ANGPT1: variants seen among roughly 807,000 people sequenced by gnomAD.
The protein encoded by ANGPT1 is angiopoietin-1.
Under a neutral mutation model 62.2 loss-of-function variants are expected in ANGPT1, and 17 were observed. The observed-to-expected ratio is 0.27, with a 90% confidence interval of 0.19 to 0.41. ANGPT1 has a LOEUF of 0.41. Among genes scored for constraint, ANGPT1 ranks in the 10% least tolerant of loss-of-function variants. The pLI, the probability that ANGPT1 is intolerant of heterozygous loss-of-function variation, is 1.00. For missense variants in ANGPT1, 478 were observed against 594.9 expected, an observed-to-expected ratio of 0.80 and a Z score of 2.04; for synonymous variants, 199 against 198.9, an observed-to-expected ratio of 1.00 and a Z score of 0.00.
intron 1 of ANGPT1, among the ~76,000 whole-genome samples, chr8:107,464,654 C>T (rs1812156008): frequency 6.6e-6 from 1 of 152,078 alleles, no homozygotes; most frequent in South Asian, 2.1e-4. Flanking sequence ...GGACAATTTC[C>T]TTAATTCTCA....
At chr8:107,354,411 T>TA (rs1443285639) in intron 1 of ANGPT1, among the ~76,000 whole-genome samples, 1 of 152,162 alleles carries the variant, frequency 6.6e-6, no homozygotes, top group East Asian at 1.9e-4. Context: ...AGAAATCACT[T>TA]AAACACTTTG....
intron 8 of ANGPT1, among the ~76,000 whole-genome samples, chr8:107,260,567 A>G (rs2514877): frequency 0.85 from 129,836 of 152,094 alleles, 55,435 homozygotes; most frequent in Middle Eastern, 0.89. Flanking sequence ...GTGGGGAGTA[A>G]CTAAGTAGGA....
intron 1 of ANGPT1, among the ~76,000 whole-genome samples, chr8:107,387,090 T>C (rs1309541736): frequency 6.6e-6 from 1 of 152,120 alleles, no homozygotes; most frequent in Non-Finnish European, 1.5e-5. Flanking sequence ...AACTGAAATG[T>C]GTGCACAGCA....
At chr8:107,345,418 A>AT (rs891867245) in intron 2 of ANGPT1, among the ~76,000 whole-genome samples, 8 of 151,480 alleles carry the variant, frequency 5.3e-5, no homozygotes, top group South Asian at 2.1e-4. Flanking sequence ...ACAATGGGAC[A>AT]TTTTTTTTTC....
intron 5 of ANGPT1, among the ~76,000 whole-genome samples, chr8:107,298,081 T>A (rs1180217851): frequency 2.0e-5 from 3 of 151,882 alleles, no homozygotes; most frequent in Non-Finnish European, 4.4e-5. Context: ...ATCCAAGAAA[T>A]GACTGAACTG....
Position 107,493,670 on chromosome 8 carries a change from T to G in ANGPT1, c.297+3592A>C, listed in dbSNP as rs184591193. On this transcript the variant is annotated intron_variant, in intron 1 of 8. Transcript: ENST00000517746. The stretch of plus-strand genomic sequence containing the variant: ...TGCAATAGATAATGCATTCATTTTT[T>G]CATTTAACACATATTTATTGCATAT... Among the ~76,000 whole-genome samples, 5 of 150,584 alleles carry G rather than the reference T, an allele frequency of 3.3e-5. No homozygotes were observed. In the East Asian group the frequency reaches 9.9e-4, roughly 30 times the overall value.
At chr8:107,254,655 C>T (rs1813317611) in intron 8 of ANGPT1, among the ~76,000 whole-genome samples, 2 of 152,010 alleles carry the variant, frequency 1.3e-5, no homozygotes, top group African/African-American at 4.8e-5. Flanking sequence ...GAATACAGCA[C>T]CTGCAAAGGC....
chr8:107,257,375 C>T (rs2514869), intron 8 of ANGPT1, among the ~76,000 whole-genome samples: 129,544 of 152,190 alleles, frequency 0.85, 55,141 homozygotes, highest in Middle Eastern at 0.88. Flanking sequence ...CACATTTTAT[C>T]GCTAATAGAT....
chr8:107,256,840 TTC>T (rs1813367891), intron 8 of ANGPT1, among the ~76,000 whole-genome samples: 1 of 151,820 alleles, frequency 6.6e-6, no homozygotes, highest in African/African-American at 2.4e-5. Context: ...TTTTGTTTTG[TTC>T]TGTTTTTTTT....
chr8:107,321,860 A>T, intron 4 of ANGPT1, 36 bp downstream of exon 4: 8 of 1,575,508 alleles, frequency 5.1e-6, no homozygotes, highest in Non-Finnish European at 7.0e-6. Flanking sequence ...AGGAAATAAA[A>T]TATTAACAAT....
chr8:107,318,360 G>A (rs1563566477), intron 4 of ANGPT1, among the ~76,000 whole-genome samples: 1 of 152,180 alleles, frequency 6.6e-6, no homozygotes, highest in Non-Finnish European at 1.5e-5. Context: ...CATCAGATGT[G>A]TTAGTAGAAA....
rs1301241311 is a variant in ANGPT1 at position 107,251,568 on chromosome 8, A to C, written c.*287T>G. On this transcript the variant is annotated 3_prime_UTR_variant, in exon 9 of 9. Coordinates refer to ENST00000517746, the MANE Select transcript of ANGPT1 (RefSeq NM_001146.5). ...TAGTTCCAAAATAAGGTCCAGTAGTAGTTTGAAGCACAGCAAGCTCAGCAG... is the reference window on the plus strand; with the variant it reads ...TAGTTCCAAAATAAGGTCCAGTAGTCGTTTGAAGCACAGCAAGCTCAGCAG... 2 of 316,972 alleles carry C rather than the reference A, an allele frequency of 6.3e-6. No homozygotes were observed. Among genetic ancestry groups the C allele is most frequent in the Non-Finnish European group, 1.2e-5 (2 of 170,616 alleles). The allele number at this position is 316,972 out of a possible 1,614,324, so 19.6% of individuals were successfully genotyped here.
In ANGPT1 at chr8:107,497,445, A is replaced by C; in HGVS notation, c.114T>G (p.His38Gln). The change falls in exon 1 of 9, where the codon CAT becomes CAG. Residue 38 changes from histidine to glutamine, a missense_variant. Around this residue, in one of 4 missense-constraint regions of ANGPT1, gnomAD observed 343 missense variants for 355.4 expected, o/e 0.97. Transcript: ENST00000517746. ...GAATGAAAGTGTAGGCACATTGCCC[A>C]TGTTGAATCCGGTTATATCTTCTCC... ...NSGRRYNRIQHGQCAYTFILP... is the reference protein window; with the variant it reads ...NSGRRYNRIQQGQCAYTFILP... The C allele has an allele frequency of 6.2e-7, 1 of 1,614,168 alleles. No individual in the cohort carries two copies. The highest frequency in any genetic ancestry group is 8.5e-7 in the Non-Finnish European group (1 of 1,180,024).
chr8:107,338,727 T>C (rs1405965908), intron 2 of ANGPT1, among the ~76,000 whole-genome samples: 2 of 152,208 alleles, frequency 1.3e-5, no homozygotes, highest in Non-Finnish European at 2.9e-5. Flanking sequence ...AATATAAATA[T>C]TGGAGATGCA....
chr8:107,325,927 C>A (rs954733144), intron 3 of ANGPT1, among the ~76,000 whole-genome samples: 1 of 151,966 alleles, frequency 6.6e-6, no homozygotes, highest in Non-Finnish European at 1.5e-5. Context: ...GAAAGTAGAT[C>A]AAAGAAGTCC....
At chr8:107,255,039 G>A (rs1813326676) in intron 8 of ANGPT1, among the ~76,000 whole-genome samples, 1 of 152,020 alleles carries the variant, frequency 6.6e-6, no homozygotes, top group African/African-American at 2.4e-5. Flanking sequence ...TTAACCAATG[G>A]ATAGGGATAG....
intron 3 of ANGPT1, among the ~76,000 whole-genome samples, chr8:107,327,493 G>C (rs912327111): frequency 6.6e-6 from 1 of 152,106 alleles, no homozygotes; most frequent in Non-Finnish European, 1.5e-5. Context: ...CTGAACACCA[G>C]TGCACTGTTT....
chr8:107,268,880 A>G (rs1280155075), intron 7 of ANGPT1, among the ~76,000 whole-genome samples: 2 of 152,034 alleles, frequency 1.3e-5, no homozygotes, highest in Non-Finnish European at 1.5e-5. Flanking sequence ...ATTGAGGAAT[A>G]ATGAATGTTT....
intron 1 of ANGPT1, among the ~76,000 whole-genome samples, chr8:107,410,831 T>C (rs1817253334): frequency 2.0e-5 from 3 of 152,160 alleles, no homozygotes; most frequent in South Asian, 4.1e-4. Flanking sequence ...TTTCAGTAAT[T>C]TGCAGTTATA....
Sources: gnomAD v4.1 joint callset for allele counts (sites outside exome capture counted in the v4.1 genomes callset) on GRCh38, gnomAD v4.1.1 for gene constraint, gnomAD v4.1.1 regional missense constraint, MANE v1.5 for transcripts, NCBI Gene and HGNC (gene_info 2026-07-23, HGNC 2026-07-21) for gene names.